SKA2: variants seen among roughly 807,000 people sequenced by gnomAD.
The protein encoded by SKA2 is spindle and kinetochore-associated protein 2.
SKA2 carries 13 observed loss-of-function variants against 16.9 expected under a neutral mutation model. The ratio of observed to expected loss-of-function variants is 0.77; its 90% CI spans 0.50 to 1.22. The LOEUF (loss-of-function observed/expected upper bound fraction) is 1.22. Ranked by LOEUF, SKA2 falls within the 50% of genes most tolerant of loss-of-function variation. SKA2 has a pLI of 0.00. For missense variants in SKA2, 107 were observed against 139.7 expected (o/e 0.77, Z 1.18); for synonymous variants, 47 against 48.5 (o/e 0.97, Z 0.13).
chr17:59,125,051 G>A (rs1009944706), intron 2 of SKA2, among the ~76,000 whole-genome samples: 5 of 149,272 alleles, frequency 3.3e-5, no homozygotes, highest in Non-Finnish European at 7.4e-5. Flanking sequence ...TCAGCTCACC[G>A]CAACTTTCGC....
rs1417766256 is a variant in SKA2 at position 59,110,659 on chromosome 17, G to C, written c.*1618C>G. On this transcript the variant is annotated 3_prime_UTR_variant, in exon 4 of 4. Transcript: ENST00000330137. ...CAAAAAAATAGCCGGGCGTGGTGGC[G>C]GGCGCCTGTAATCCCAGCTACTCGG... 1 of 151,996 alleles carries C rather than the reference G, an allele frequency of 6.6e-6. No individual in the cohort carries two copies. The highest frequency in any genetic ancestry group is 1.9e-4 in the East Asian group (1 of 5,180). The allele number at this position is 151,996 out of a possible 1,614,324, so 9.4% of individuals were successfully genotyped here. A position where few individuals can be genotyped will look rare whatever the true frequency, so the allele number is the denominator to read the frequency against.
intron 1 of SKA2, among the ~76,000 whole-genome samples, chr17:59,149,643 T>G (rs1412785689): frequency 1.3e-5 from 2 of 152,116 alleles, no homozygotes; most frequent in Non-Finnish European, 2.9e-5. Context: ...AACGTGGAAA[T>G]GACCCGATGT....
chr17:59,112,426 C>T, intron 3 of SKA2, 81 bp from the exon 4 acceptor site: 2 of 1,014,090 alleles, frequency 2.0e-6, no homozygotes, highest in Middle Eastern at 3.1e-4. Context: ...CATTGTCACA[C>T]CAATAAATGT....
Position 59,131,276 on chromosome 17 carries a change from A to G in SKA2, c.120+5T>C, listed in dbSNP as rs760256655. 1.6e-4 allele frequency: 245 copies of G among 1,568,442 alleles called. No individual in the cohort carries two copies. Among genetic ancestry groups the G allele is most frequent in the Non-Finnish European group, 2.1e-4 (243 of 1,154,244 alleles). On this transcript the variant is annotated splice_donor_5th_base_variant and intron_variant, in intron 2 of 3. Transcript: ENST00000330137. The stretch of plus-strand genomic sequence containing the variant: ...TTTTTTAAGCTTATTTATTTCGGAG[A>G]TTACCTCACTTGCTGAATCAGGATG...
At chr17:59,122,403 G>C (rs753336524) in intron 2 of SKA2, among the ~76,000 whole-genome samples, 6 of 152,080 alleles carry the variant, frequency 3.9e-5, no homozygotes, top group Non-Finnish European at 5.9e-5. Context: ...TTGAGGTCAG[G>C]AGTTCCAGAA....
chr17:59,129,507 A>AGG (rs2046396047), intron 2 of SKA2: 1 of 151,940 alleles, frequency 6.6e-6, no homozygotes, highest in African/African-American at 2.4e-5. Context: ...AAGGGAAGGC[A>AGG]GGGGAAGGAA....
chr17:59,125,745 G>A (rs2147801799), intron 2 of SKA2, among the ~76,000 whole-genome samples: 1 of 151,784 alleles, frequency 6.6e-6, no homozygotes, highest in African/African-American at 2.4e-5. Flanking sequence ...GATAGTGCTG[G>A]TGATGGGAGA....
At chr17:59,128,625 CAAAA>C (rs761411258) in intron 2 of SKA2, among the ~76,000 whole-genome samples, 3 of 56,250 alleles carry the variant, frequency 5.3e-5, no homozygotes, top group Non-Finnish European at 7.4e-5. Flanking sequence ...GACTCGGTCT[CAAAA>C]AAAAAAAAAA....
chr17:59,148,827 A>G lies in SKA2; in HGVS notation c.33+6304T>C, dbSNP rs796498459. On this transcript the variant is annotated intron_variant, in intron 1 of 3. Transcript: ENST00000330137. ...CTGTCTCAAAAAAAAAAAAAAAAAA[A>G]AAAGAAAAGAAAATAGGCAAAAGAT... Among the ~76,000 whole-genome samples the G allele has an allele frequency of 1.9e-3, 267 of 142,348 alleles. 1 individual carries two copies. The highest frequency in any genetic ancestry group is 2.9e-3 in the Non-Finnish European group (190 of 65,340). The allele number at this position is 142,348 out of a possible 152,430, so 93.4% of individuals were successfully genotyped here.
Position 59,154,899 on chromosome 17 carries a change from G to C in SKA2, c.33+232C>G, listed in dbSNP as rs2046610751. 3.8e-6 allele frequency: 6 copies of C among 1,580,738 alleles called. No homozygotes were observed. In the Admixed American group the frequency reaches 1.0e-4, roughly 27 times the overall value. ...AGGAACAAGGAATTCCAAAGGCCCCGCACCCTCAGCATCTCCCGCCATTTC... is the reference window on the plus strand; with the variant it reads ...AGGAACAAGGAATTCCAAAGGCCCCCCACCCTCAGCATCTCCCGCCATTTC... On this transcript the variant is annotated intron_variant, in intron 1 of 3. Coordinates refer to ENST00000330137, the MANE Select transcript of SKA2 (RefSeq NM_182620.4).
chr17:59,135,288 A>G (rs2046436738), intron 1 of SKA2, among the ~76,000 whole-genome samples: 1 of 148,404 alleles, frequency 6.7e-6, no homozygotes, highest in Non-Finnish European at 1.5e-5. Flanking sequence ...AATCAATGGT[A>G]TGATGAAATC....
intron 1 of SKA2, among the ~76,000 whole-genome samples, chr17:59,149,898 C>A (rs910517412): frequency 6.6e-6 from 1 of 152,118 alleles, no homozygotes; most frequent in Non-Finnish European, 1.5e-5. Context: ...CAAAGAGGCA[C>A]AAAGGAATGT....
intron 2 of SKA2, among the ~76,000 whole-genome samples, chr17:59,130,227 T>C (rs1347518314): frequency 6.6e-6 from 1 of 151,936 alleles, no homozygotes; most frequent in East Asian, 1.9e-4. Flanking sequence ...CTTATACTTC[T>C]ACCCAATCCA....
rs929107564 is a variant in SKA2, at chr17:59,111,340, C to G, written c.*937G>C. The G allele has an allele frequency of 3.9e-5, 6 of 152,200 alleles. No homozygotes were observed. The highest frequency in any genetic ancestry group is 7.3e-5 in the Non-Finnish European group (5 of 68,030). 9.4% of individuals were successfully genotyped at this position (152,200 alleles called of 1,614,324 possible). A position where few individuals can be genotyped will look rare whatever the true frequency, so the allele number is the denominator to read the frequency against. Reference sequence around the variant, plus strand: ...ACAGCATGATTTATTTTCCTATTCACCTAGTACTAGCCAAATGTGTATGTA... The same window carrying G: ...ACAGCATGATTTATTTTCCTATTCAGCTAGTACTAGCCAAATGTGTATGTA... On this transcript the variant is annotated 3_prime_UTR_variant, in exon 4 of 4. Coordinates refer to ENST00000330137, the MANE Select transcript of SKA2 (RefSeq NM_182620.4).
rs564575867 is a variant in SKA2, at chr17:59,111,607, A to G, written c.*670T>C. On this transcript the variant is annotated 3_prime_UTR_variant, in exon 4 of 4. Coordinates refer to ENST00000330137, the MANE Select transcript of SKA2 (RefSeq NM_182620.4). ...ATAGTAATAAAGGCTGAAGGAAAACAAAGATATTATTGAGATACAACAGGG... is the reference window on the plus strand; with the variant it reads ...ATAGTAATAAAGGCTGAAGGAAAACGAAGATATTATTGAGATACAACAGGG... The G allele has an allele frequency of 1.1e-4, 16 of 152,354 alleles. No individual in the cohort carries two copies. Among genetic ancestry groups the G allele is most frequent in the Admixed American group, 2.0e-4 (3 of 15,304 alleles). The allele number at this position is 152,354 out of a possible 1,614,324, so 9.4% of individuals were successfully genotyped here.
At chr17:59,155,043 G>A (rs2046612929) in intron 1 of SKA2, 88 bp downstream of exon 1, 1 of 1,613,934 alleles carries the variant, frequency 6.2e-7, no homozygotes, top group Non-Finnish European at 8.5e-7. Context: ...GCCGCCCGGA[G>A]TTTCCGGCGA....
At chr17:59,122,594 G>A (rs902725940) in intron 2 of SKA2, among the ~76,000 whole-genome samples, 1 of 152,060 alleles carries the variant, frequency 6.6e-6, no homozygotes, top group East Asian at 1.9e-4. Flanking sequence ...CTGGGCGACA[G>A]AGCAAGACTC....
chr17:59,134,657 T>C (rs1346428773), intron 1 of SKA2, among the ~76,000 whole-genome samples: 1 of 151,916 alleles, frequency 6.6e-6, no homozygotes, highest in Admixed American at 6.6e-5. Context: ...GTTCAAGCAA[T>C]TCTCCTGCCT....
intron 1 of SKA2, among the ~76,000 whole-genome samples, chr17:59,144,150 G>A (rs931482600): frequency 5.9e-5 from 9 of 151,780 alleles, no homozygotes; most frequent in African/African-American, 1.5e-4. Flanking sequence ...CCGAGATCGC[G>A]CCACTGCACT....
Sources: gnomAD v4.1 joint callset for allele counts (sites outside exome capture counted in the v4.1 genomes callset) on GRCh38, gnomAD v4.1.1 for gene constraint, MANE v1.5 for transcripts, NCBI Gene and HGNC (gene_info 2026-07-23, HGNC 2026-07-21) for gene names.